Variants in ADGRV1 observed in about 807,000 individuals in gnomAD.
ADGRV1 encodes the protein G-protein coupled receptor 98.
In ADGRV1, 359 loss-of-function variants were observed where a neutral mutation model predicts 596.2. The observed-to-expected ratio is 0.60, with a 90% CI of 0.55 to 0.66. The LOEUF is 0.66. Among genes scored for constraint, ADGRV1 ranks in the 30% least tolerant of loss-of-function variants. ADGRV1 has a pLI of 0.00. For missense variants in ADGRV1, 7,274 were observed against 7,575.6 expected, an observed-to-expected ratio of 0.96 and a Z score of 1.48; for synonymous variants, 2,681 against 2,679.2, an observed-to-expected ratio of 1.00 and a Z score of -0.02.
At chr5:90,796,433 A>T (rs931596868) in intron 70 of ADGRV1, among the ~76,000 whole-genome samples, 4 of 152,284 alleles carry the variant, frequency 2.6e-5, no homozygotes, top group East Asian at 1.9e-4. Flanking sequence ...AGAGAAAAAA[A>T]AAATAAAAAG....
At chr5:90,674,258 A>T in intron 23 of ADGRV1, 24 bp downstream of exon 23, 1 of 1,533,806 alleles carries the variant, frequency 6.5e-7, no homozygotes, top group Non-Finnish European at 8.8e-7. Context: ...TTTGCAAGAA[A>T]AATCCTCTCT....
intron 70 of ADGRV1, among the ~76,000 whole-genome samples, chr5:90,796,111 C>A (rs998587548): frequency 1.3e-5 from 2 of 152,152 alleles, no homozygotes; most frequent in African/African-American, 4.8e-5. Flanking sequence ...GGGAACAAAA[C>A]TGGACAGAGA....
At chr5:90,686,262 G>A (rs930700799) in intron 29 of ADGRV1, among the ~76,000 whole-genome samples, 4 of 151,040 alleles carry the variant, frequency 2.6e-5, no homozygotes, top group Non-Finnish European at 4.4e-5. Flanking sequence ...TGTGCACAAC[G>A]TGCAGGTTAG....
Position 90,653,722 on chromosome 5 carries a change from A to G in ADGRV1, c.4148A>G (p.Tyr1383Cys), listed in dbSNP as rs1580609185. The G allele has an allele frequency of 6.2e-7, 1 of 1,613,080 alleles. No individual in the cohort carries two copies. The highest frequency in any genetic ancestry group is 8.5e-7 in the Non-Finnish European group (1 of 1,179,492). The change falls in exon 20 of 90, where the codon TAC becomes TGC. Residue 1383 changes from tyrosine (Y) to cysteine (C), a missense_variant. Tyr to Cys is a radical substitution (Grantham distance 194). Transcript: ENST00000405460. ...AKDDGNGSIY[Y>C]GVKIQTNESH... ...GATGACGGTAATGGAAGCATCTACT[A>G]CGGGGTAAAAATACAAACAAACGAA... is the stretch of plus-strand genomic sequence containing the variant.
intron 87 of ADGRV1, among the ~76,000 whole-genome samples, chr5:91,111,169 T>A (rs961050536): frequency 2.0e-5 from 3 of 152,144 alleles, no homozygotes; most frequent in African/African-American, 4.8e-5. Context: ...CACTAGAGTG[T>A]CTTAAACACA....
intron 17 of ADGRV1, 124 bp from the exon 18 acceptor site, chr5:90,651,480 C>A: frequency 1.3e-6 from 1 of 776,008 alleles, no homozygotes. Context: ...ATTATATGAC[C>A]TTCAGTGAGG....
At chr5:90,602,301 G>T (rs1343060545) in intron 1 of ADGRV1, among the ~76,000 whole-genome samples, 2 of 152,150 alleles carry the variant, frequency 1.3e-5, no homozygotes, top group African/African-American at 4.8e-5. Context: ...TTTTCGAAAG[G>T]GGAGAGGGGT....
intron 86 of ADGRV1, among the ~76,000 whole-genome samples, chr5:91,095,661 A>C (rs1016743958): frequency 6.6e-6 from 1 of 152,172 alleles, no homozygotes; most frequent in African/African-American, 2.4e-5. Context: ...GTATCTGTGA[A>C]TTTCAGAATA....
Position 91,031,890 on chromosome 5 carries a change from C to A in ADGRV1, c.18153-40557C>A, listed in dbSNP as rs371993063. On this transcript the variant is annotated intron_variant, in intron 85 of 89. Transcript: ENST00000405460. Reference sequence around the variant, plus strand: ...AACTAATCCTAGATCCCTGCGCTTGCGGATTTTATGAGGCAGAGATAAGTT... The same window carrying A: ...AACTAATCCTAGATCCCTGCGCTTGAGGATTTTATGAGGCAGAGATAAGTT... 5.3e-5 allele frequency among the ~76,000 whole-genome samples: 8 copies of A among 151,880 alleles called. No homozygotes were observed. The South Asian group carries it at 1.2e-3, about 24-fold the overall frequency.
chr5:90,755,670 GAGA>G (rs910604046), intron 55 of ADGRV1, among the ~76,000 whole-genome samples: 15 of 151,430 alleles, frequency 9.9e-5, no homozygotes, highest in Admixed American at 4.6e-4. Context: ...TGGAGAGAGA[GAGA>G]AGAACAGAGA....
chr5:91,060,086 G>C lies in ADGRV1; in HGVS notation c.18153-12361G>C, dbSNP rs1361567836. On this transcript the variant is annotated intron_variant, in intron 85 of 89. Transcript: ENST00000405460. ...TGCAACAGAGCTGAGTATTGGATTTGAGACATAAGTCATCTACAACTTAAG... is the reference window on the plus strand; with the variant it reads ...TGCAACAGAGCTGAGTATTGGATTTCAGACATAAGTCATCTACAACTTAAG... Among the ~76,000 whole-genome samples, 4 of 152,258 alleles carry C rather than the reference G, an allele frequency of 2.6e-5. No homozygotes were observed. In the East Asian group the frequency reaches 5.8e-4, roughly 22 times the overall value.
chr5:90,908,676 GTA>G (rs1561924848), intron 83 of ADGRV1, among the ~76,000 whole-genome samples: 3 of 152,076 alleles, frequency 2.0e-5, no homozygotes, highest in African/African-American at 7.2e-5. Context: ...TAAATATTGT[GTA>G]TATGACCTTC....
intron 36 of ADGRV1, among the ~76,000 whole-genome samples, 157 bp downstream of exon 36, chr5:90,704,645 C>A (rs1309304842): frequency 6.6e-6 from 1 of 152,018 alleles, no homozygotes; most frequent in Non-Finnish European, 1.5e-5. Flanking sequence ...AAAATTAGCA[C>A]CATATGGGAA....
chr5:91,043,764 G>T (rs922665826), intron 85 of ADGRV1, among the ~76,000 whole-genome samples: 1 of 151,788 alleles, frequency 6.6e-6, no homozygotes, highest in Non-Finnish European at 1.5e-5. Context: ...TGCATTTGCT[G>T]TCTCTTCTAT....
At chr5:90,916,757 C>T (rs1402973178) in intron 83 of ADGRV1, among the ~76,000 whole-genome samples, 2 of 149,210 alleles carry the variant, frequency 1.3e-5, no homozygotes, top group Non-Finnish European at 1.5e-5. Flanking sequence ...CTCAGCCTCC[C>T]GAGTAGCTGG....
intron 58 of ADGRV1, among the ~76,000 whole-genome samples, chr5:90,761,847 C>T (rs574849885): frequency 1.3e-5 from 2 of 152,318 alleles, no homozygotes; most frequent in South Asian, 2.1e-4. Context: ...GCATGATGCT[C>T]AGCCCTTTGT....
In ADGRV1 at chr5:91,009,419, G is replaced by T. The variant is rs545252516; in HGVS notation, c.18152+23897G>T. 3.3e-5 allele frequency among the ~76,000 whole-genome samples: 5 copies of T among 152,250 alleles called. No homozygotes were observed. In the South Asian group the frequency reaches 1.0e-3, roughly 32 times the overall value. ...GAAACAAGACAAGGCAAATAATACA[G>T]CTCTAGTGTGTTCCAAGAATAACAG... On this transcript the variant is annotated intron_variant, in intron 85 of 89. Coordinates refer to ENST00000405460, the MANE Select transcript of ADGRV1 (RefSeq NM_032119.4).
rs1013004440 is a variant in ADGRV1 at position 90,683,669 on chromosome 5, C to T, written c.5748C>T (p.Thr1916=). Residue 1916 remains threonine, a synonymous_variant, in exon 28 of 90, where the codon ACC becomes ACT. Transcript: ENST00000405460. ...ATCCTGATGGTGATCTCGCCTTCACCTCTGGCAACATCACATTTGAGATTG... is the reference window on the plus strand; with the variant it reads ...ATCCTGATGGTGATCTCGCCTTCACTTCTGGCAACATCACATTTGAGATTG... ...DSDPDGDLAF[T]SGNITFEIGQ... 3.7e-6 allele frequency: 6 copies of T among 1,613,642 alleles called. No individual in the cohort carries two copies. The Admixed American group carries it at 8.3e-5, about 22-fold the overall frequency.
intron 85 of ADGRV1, among the ~76,000 whole-genome samples, chr5:91,046,370 G>A (rs1043143495): frequency 2.0e-5 from 3 of 151,770 alleles, no homozygotes; most frequent in African/African-American, 7.3e-5. Flanking sequence ...GTCAAATACA[G>A]CCAACTGATC....
Sources: allele counts gnomAD v4.1 joint callset (sites outside exome capture counted in the v4.1 genomes callset), GRCh38; gene constraint gnomAD v4.1.1; transcripts MANE v1.5; gene names NCBI Gene and HGNC (gene_info 2026-07-23, HGNC 2026-07-21).